Variants in COL8A1 observed in about 807,000 individuals in gnomAD.
The protein encoded by COL8A1 is collagen type VIII alpha 1 chain, also known as collagen alpha-1(VIII) chain.
A neutral mutation model predicts 42.7 loss-of-function variants in COL8A1; 21 were observed. The observed-to-expected ratio is 0.49, with a 90% CI of 0.35 to 0.71. COL8A1 has a LOEUF of 0.71. Ranked by LOEUF, COL8A1 falls within the 30% of genes least tolerant of loss-of-function variation. The pLI is 0.01. For missense variants in COL8A1, 788 were observed against 962.4 expected (o/e 0.82, Z 2.40); for synonymous variants, 367 against 369.1 (o/e 0.99, Z 0.06).
intron 1 of COL8A1, among the ~76,000 whole-genome samples, chr3:99,721,328 C>G (rs1344864926): frequency 7.2e-6 from 1 of 138,640 alleles, no homozygotes; most frequent in Non-Finnish European, 1.5e-5. Flanking sequence ...GAGAGCAGAA[C>G]ACCTGTTTTG....
At chr3:99,774,202 T>C (rs1941647964) in intron 2 of COL8A1, among the ~76,000 whole-genome samples, 1 of 151,154 alleles carries the variant, frequency 6.6e-6, no homozygotes, top group South Asian at 2.1e-4. Flanking sequence ...TGCTATTTGA[T>C]TGTGTTAGAA....
intron 1 of COL8A1, among the ~76,000 whole-genome samples, chr3:99,648,129 C>T (rs1375015750): frequency 6.6e-6 from 1 of 152,148 alleles, no homozygotes; most frequent in African/African-American, 2.4e-5. Context: ...CCCATGTCAA[C>T]CCTACAAGAA....
intron 1 of COL8A1, among the ~76,000 whole-genome samples, chr3:99,693,299 T>G (rs1165908398): frequency 6.6e-6 from 1 of 152,280 alleles, no homozygotes; most frequent in Non-Finnish European, 1.5e-5. Context: ...ATACCATATT[T>G]TTATCATTAT....
At chr3:99,694,423 C>T (rs1939311154) in intron 1 of COL8A1, among the ~76,000 whole-genome samples, 1 of 151,978 alleles carries the variant, frequency 6.6e-6, no homozygotes, top group Admixed American at 6.6e-5. Flanking sequence ...TTGCAGAGAG[C>T]CGAGATCGCA....
chr3:99,643,570 T>G (rs1937562896), intron 1 of COL8A1, among the ~76,000 whole-genome samples: 1 of 152,234 alleles, frequency 6.6e-6, no homozygotes, highest in South Asian at 2.1e-4. Context: ...AAATTTTACT[T>G]CGTAGAAAAC....
intron 1 of COL8A1, among the ~76,000 whole-genome samples, chr3:99,711,914 A>T (rs1056942996): frequency 6.6e-6 from 1 of 152,032 alleles, no homozygotes; most frequent in African/African-American, 2.4e-5. Flanking sequence ...CTGGTGGGGG[A>T]AAAAAAGCAT....
intron 2 of COL8A1, among the ~76,000 whole-genome samples, chr3:99,758,598 T>G (rs1372486610): frequency 1.3e-5 from 2 of 152,166 alleles, no homozygotes; most frequent in African/African-American, 4.8e-5. Context: ...GACATAAAAA[T>G]CAACTAGAGC....
intron 1 of COL8A1, among the ~76,000 whole-genome samples, chr3:99,664,795 T>G (rs898452943): frequency 8.5e-5 from 13 of 152,256 alleles, no homozygotes; most frequent in African/African-American, 3.1e-4. Flanking sequence ...TAGTATCAAC[T>G]GGCTGTCAAA....
intron 1 of COL8A1, among the ~76,000 whole-genome samples, chr3:99,720,334 TG>T (rs2107368211): frequency 1.3e-5 from 2 of 151,190 alleles, no homozygotes; most frequent in South Asian, 4.2e-4. Flanking sequence ...GAATGACAGA[TG>T]GAAAATTTTC....
rs114247370 is a variant in COL8A1 at position 99,760,760 on chromosome 3, C to T, written c.-4+15739C>T. Reference sequence around the variant, plus strand: ...ACAGGAGAAATTCTAACTATGAAGACTCACAGAGATTTATCGCCTCCATTC... The same window carrying T: ...ACAGGAGAAATTCTAACTATGAAGATTCACAGAGATTTATCGCCTCCATTC... On this transcript the variant is annotated intron_variant, in intron 2 of 3. Coordinates refer to ENST00000652472, the MANE Select transcript of COL8A1 (RefSeq NM_020351.4). Among the ~76,000 whole-genome samples the T allele has an allele frequency of 1.7e-3, 264 of 152,294 alleles. 2 individuals carry two copies. The highest frequency in any genetic ancestry group is 6.8e-3 in the Middle Eastern group (2 of 294).
Position 99,714,719 on chromosome 3 carries a change from G to A in COL8A1, c.-128-30178G>A, listed in dbSNP as rs566602504. Among the ~76,000 whole-genome samples the A allele has an allele frequency of 1.7e-3, 263 of 152,126 alleles. 2 individuals carry two copies. Among genetic ancestry groups the A allele is most frequent in the Non-Finnish European group, 2.0e-3 (134 of 67,982 alleles). On this transcript the variant is annotated intron_variant, in intron 1 of 3. Transcript: ENST00000652472. ...GCTCTGGGAATAAAGTAAAGTACAA[G>A]GCAGGCAAAATTCCTTATCTAAAAG... is the stretch of plus-strand genomic sequence containing the variant.
chr3:99,756,731 A>G (rs1275463480), intron 2 of COL8A1, among the ~76,000 whole-genome samples: 2 of 152,194 alleles, frequency 1.3e-5, no homozygotes, highest in Non-Finnish European at 2.9e-5. Context: ...CTTGGACTCA[A>G]AGATTTGGGG....
intron 1 of COL8A1, among the ~76,000 whole-genome samples, chr3:99,734,470 T>C (rs79822237): frequency 0.2 from 30,113 of 147,314 alleles, 3,623 homozygotes; most frequent in African/African-American, 0.32. Context: ...AGATATGTGG[T>C]ATTATTTCTG....
intron 1 of COL8A1, among the ~76,000 whole-genome samples, chr3:99,733,755 A>T (rs1419054437): frequency 6.6e-6 from 1 of 151,402 alleles, no homozygotes; most frequent in East Asian, 1.9e-4. Context: ...ACTAGTTTAC[A>T]GTCCCACCAA....
At chr3:99,671,331 C>G (rs1938537388) in intron 1 of COL8A1, among the ~76,000 whole-genome samples, 1 of 151,844 alleles carries the variant, frequency 6.6e-6, no homozygotes, top group African/African-American at 2.4e-5. Flanking sequence ...ACTTAATGCT[C>G]TTGATGTGTA....
chr3:99,783,642 C>G (rs1941837209), intron 2 of COL8A1, among the ~76,000 whole-genome samples: 1 of 152,166 alleles, frequency 6.6e-6, no homozygotes, highest in Admixed American at 6.5e-5. Context: ...TTCCACATGG[C>G]TGGGGAGGCC....
intron 1 of COL8A1, among the ~76,000 whole-genome samples, chr3:99,663,714 G>A (rs933164367): frequency 6.6e-6 from 1 of 152,112 alleles, no homozygotes; most frequent in African/African-American, 2.4e-5. Flanking sequence ...AGTGAAGATG[G>A]TAAAATTTTT....
intron 1 of COL8A1, among the ~76,000 whole-genome samples, chr3:99,662,518 G>T: frequency 6.6e-6 from 1 of 152,168 alleles, no homozygotes; most frequent in East Asian, 1.9e-4. Context: ...CTGTACATAT[G>T]CATGTATGAA....
chr3:99,787,248 A>G (rs1941914413), intron 2 of COL8A1, among the ~76,000 whole-genome samples: 1 of 152,218 alleles, frequency 6.6e-6, no homozygotes, highest in Non-Finnish European at 1.5e-5. Flanking sequence ...TACAGGTCAT[A>G]TGAGGAATCT....
Sources: gnomAD v4.1 joint callset for allele counts (sites outside exome capture counted in the v4.1 genomes callset) on GRCh38, gnomAD v4.1.1 for gene constraint, MANE v1.5 for transcripts, NCBI Gene and HGNC (gene_info 2026-07-23, HGNC 2026-07-21) for gene names.